Variants in PTPRM observed in about 807,000 individuals in gnomAD.
The protein encoded by PTPRM is protein tyrosine phosphatase receptor type M.
A neutral mutation model predicts 186.7 loss-of-function variants in PTPRM; 47 were observed. The observed-to-expected ratio is 0.25, with a 90% CI of 0.20 to 0.32. The LOEUF (loss-of-function observed/expected upper bound fraction) is 0.32. PTPRM is among the 10% of genes least tolerant of loss of function. The pLI is 1.00. For synonymous variants in PTPRM, 668 were observed against 674.9 expected, an observed-to-expected ratio of 0.99 and a Z score of 0.16; for missense variants, 1,494 against 1,865.0, an observed-to-expected ratio of 0.80 and a Z score of 3.66.
intron 1 of PTPRM, among the ~76,000 whole-genome samples, chr18:7,689,043 C>A (rs1025247307): frequency 6.6e-6 from 1 of 152,122 alleles, no homozygotes; most frequent in Non-Finnish European, 1.5e-5. Context: ...AACAGGATCT[C>A]AGCTAGGAAT....
At chr18:7,767,477 TC>T (rs1185637613) in intron 1 of PTPRM, among the ~76,000 whole-genome samples, 2 of 152,220 alleles carry the variant, frequency 1.3e-5, no homozygotes, top group Non-Finnish European at 2.9e-5. Context: ...GCCTGAAGCT[TC>T]AGTAGGATGT....
At chr18:8,066,866 G>A (rs1035638407) in intron 7 of PTPRM, among the ~76,000 whole-genome samples, 2 of 152,210 alleles carry the variant, frequency 1.3e-5, no homozygotes, top group Non-Finnish European at 2.9e-5. Flanking sequence ...CTTGGCAAAT[G>A]TATGGGAAAT....
chr18:8,061,404 T>G (rs977654536), intron 7 of PTPRM, among the ~76,000 whole-genome samples: 3 of 143,256 alleles, frequency 2.1e-5, no homozygotes, highest in Non-Finnish European at 4.5e-5. Context: ...TCTTGACTCT[T>G]AGATCCAACT....
chr18:7,671,396 TC>T, intron 1 of PTPRM, among the ~76,000 whole-genome samples: 1 of 152,282 alleles, frequency 6.6e-6, no homozygotes, highest in East Asian at 1.9e-4. Flanking sequence ...TCCCTGCCTC[TC>T]CCCCTTTTCT....
At chr18:8,225,699 A>C (rs2094205227) in intron 14 of PTPRM, among the ~76,000 whole-genome samples, 1 of 152,246 alleles carries the variant, frequency 6.6e-6, no homozygotes, top group Non-Finnish European at 1.5e-5. Context: ...AAGCAGAGAA[A>C]GACCATTGGT....
chr18:7,595,765 T>C (rs962550321), intron 1 of PTPRM, among the ~76,000 whole-genome samples: 1 of 152,228 alleles, frequency 6.6e-6, no homozygotes, highest in African/African-American at 2.4e-5. Flanking sequence ...TGTGTAATTT[T>C]TGCATCTTTG....
intron 1 of PTPRM, among the ~76,000 whole-genome samples, chr18:7,587,862 C>G (rs1272061398): frequency 6.6e-6 from 1 of 152,078 alleles, no homozygotes; most frequent in African/African-American, 2.4e-5. Context: ...TCGGTAAAAT[C>G]AGACGTGCTT....
At chr18:7,912,755 G>A (rs892359627) in intron 4 of PTPRM, among the ~76,000 whole-genome samples, 4 of 151,666 alleles carry the variant, frequency 2.6e-5, no homozygotes, top group African/African-American at 7.3e-5. Context: ...TCGTGACCTC[G>A]TGATCCGCCC....
chr18:8,248,415 G>T (rs2094497797), intron 17 of PTPRM: 2 of 586,168 alleles, frequency 3.4e-6, no homozygotes, highest in East Asian at 6.2e-5. Context: ...AGGTTCAAAT[G>T]AACAATCTCA....
At chr18:7,976,660 TC>T (rs1033841320) in intron 7 of PTPRM, among the ~76,000 whole-genome samples, 2 of 152,144 alleles carry the variant, frequency 1.3e-5, no homozygotes, top group African/African-American at 4.8e-5. Flanking sequence ...GAATGAGCCA[TC>T]CCTGAGCCAC....
At chr18:7,745,347 C>G (rs552523609) in intron 1 of PTPRM, among the ~76,000 whole-genome samples, 201 of 152,252 alleles carry the variant, frequency 1.3e-3, no homozygotes, top group Non-Finnish European at 1.9e-3. Flanking sequence ...GCAGTGATTC[C>G]TGCATTTGGG....
At chr18:8,383,139 A>G (rs980886356) in intron 29 of PTPRM, among the ~76,000 whole-genome samples, 1 of 151,750 alleles carries the variant, frequency 6.6e-6, no homozygotes, top group Non-Finnish European at 1.5e-5. Flanking sequence ...CTCCACTAAA[A>G]ATACAAAAAT....
rs1452389029 is a variant in PTPRM at position 8,074,780 on chromosome 18, G to A, written c.1442-1675G>A. ...TATCTTATTATTGGGTTTTAATATTGTTACTTTTACAGTCTAGATACAAAT... is the reference window on the plus strand; with the variant it reads ...TATCTTATTATTGGGTTTTAATATTATTACTTTTACAGTCTAGATACAAAT... On this transcript the variant is annotated intron_variant, in intron 8 of 32. Coordinates refer to ENST00000580170, the MANE Select transcript of PTPRM (RefSeq NM_001105244.2). Among the ~76,000 whole-genome samples, 6 of 152,166 alleles carry A rather than the reference G, an allele frequency of 3.9e-5. No homozygotes were observed. The East Asian group carries it at 1.2e-3, about 29-fold the overall frequency.
chr18:8,375,960 T>A, intron 24 of PTPRM, 86 bp from the exon 25 acceptor site: 1 of 1,425,366 alleles, frequency 7.0e-7, no homozygotes, highest in Non-Finnish European at 9.6e-7. Context: ...ACCTGGGGAC[T>A]GTTTCCACTC....
At chr18:8,158,804 C>G (rs543555052) in intron 14 of PTPRM, among the ~76,000 whole-genome samples, 1 of 152,104 alleles carries the variant, frequency 6.6e-6, no homozygotes, top group African/African-American at 2.4e-5. Flanking sequence ...AGCAGGAGCA[C>G]GAGAGCGAGC....
At chr18:8,154,947 A>G (rs901143739) in intron 14 of PTPRM, 1 of 152,240 alleles carries the variant, frequency 6.6e-6, no homozygotes, top group Non-Finnish European at 1.5e-5. Context: ...TAAGCAAAGC[A>G]ATTTTTTATT....
intron 13 of PTPRM, among the ~76,000 whole-genome samples, chr18:8,130,611 T>C (rs1600729949): frequency 6.6e-6 from 1 of 152,290 alleles, no homozygotes; most frequent in South Asian, 2.1e-4. Context: ...TCTCCTTCCC[T>C]TAATGGTACA....
At chr18:8,263,732 G>A (rs539593187) in intron 19 of PTPRM, among the ~76,000 whole-genome samples, 1 of 152,126 alleles carries the variant, frequency 6.6e-6, no homozygotes, top group Non-Finnish European at 1.5e-5. Context: ...CTAAAAACTC[G>A]AACAAGCTGT....
chr18:8,345,676 C>G (rs1411715919), intron 23 of PTPRM, among the ~76,000 whole-genome samples: 2 of 150,872 alleles, frequency 1.3e-5, no homozygotes, highest in East Asian at 3.9e-4. Context: ...TATAAAAATA[C>G]ATAAATTATA....
Sources: allele counts gnomAD v4.1 joint callset (sites outside exome capture counted in the v4.1 genomes callset), GRCh38; gene constraint gnomAD v4.1.1; transcripts MANE v1.5; gene names NCBI Gene and HGNC (gene_info 2026-07-23, HGNC 2026-07-21).